The following CTNNA3 variants were observed in gnomAD, a reference collection of about 807,000 sequenced individuals.
The protein encoded by CTNNA3 is catenin alpha 3, also known as catenin alpha-3.
A neutral mutation model predicts 95.7 loss-of-function variants in CTNNA3; 76 were observed. That is an observed-to-expected ratio of 0.79 (90% CI 0.66 to 0.96). CTNNA3 has a LOEUF of 0.96. CTNNA3 is among the 40% of genes least tolerant of loss of function. CTNNA3 has a pLI of 0.00. For missense variants in CTNNA3, 1,191 were observed against 1,089.8 expected (o/e 1.09, Z -1.31); for synonymous variants, 431 against 374.4 (o/e 1.15, Z -1.74).
At chr10:66,110,960 G>A (rs1345501589) in intron 13 of CTNNA3, among the ~76,000 whole-genome samples, 1 of 152,188 alleles carries the variant, frequency 6.6e-6, no homozygotes, top group African/African-American at 2.4e-5. Flanking sequence ...CTGTAACACA[G>A]TGGTAAATAT....
intron 1 of CTNNA3, among the ~76,000 whole-genome samples, chr10:67,682,253 C>A (rs374514940): frequency 6.7e-6 from 1 of 150,046 alleles, no homozygotes; most frequent in African/African-American, 2.5e-5. Flanking sequence ...TGTGAACACA[C>A]GAGGCGGAGC....
chr10:66,696,877 G>C, intron 9 of CTNNA3, among the ~76,000 whole-genome samples: 1 of 152,126 alleles, frequency 6.6e-6, no homozygotes, highest in South Asian at 2.1e-4. Context: ...AGGTTGAGGC[G>C]GCAGTGAGCT....
At chr10:67,349,404 A>G (rs1479639574) in intron 5 of CTNNA3, among the ~76,000 whole-genome samples, 1 of 152,214 alleles carries the variant, frequency 6.6e-6, no homozygotes, top group African/African-American at 2.4e-5. Context: ...AATATATGAC[A>G]CCAGAGATGA....
intron 13 of CTNNA3, among the ~76,000 whole-genome samples, chr10:66,153,787 G>A (rs1319125489): frequency 6.6e-6 from 1 of 151,366 alleles, no homozygotes; most frequent in Non-Finnish European, 1.5e-5. Context: ...ATCCTATGCT[G>A]GTCCTGTCTT....
intron 1 of CTNNA3, among the ~76,000 whole-genome samples, chr10:67,674,428 C>T (rs1025902083): frequency 6.6e-6 from 1 of 152,054 alleles, no homozygotes; most frequent in Non-Finnish European, 1.5e-5. Flanking sequence ...CTTAAAGATC[C>T]CAGTCTGTGG....
At chr10:67,083,411 G>A (rs922181965) in intron 7 of CTNNA3, among the ~76,000 whole-genome samples, 12 of 151,216 alleles carry the variant, frequency 7.9e-5, no homozygotes, top group African/African-American at 2.9e-4. Flanking sequence ...AAAAAAAAAA[G>A]TATAGTCCTA....
chr10:66,512,892 C>A (rs190240796), intron 11 of CTNNA3, among the ~76,000 whole-genome samples: 1 of 152,174 alleles, frequency 6.6e-6, no homozygotes, highest in Admixed American at 6.5e-5. Flanking sequence ...GACAAAGATA[C>A]CCTCATATGT....
intron 7 of CTNNA3, among the ~76,000 whole-genome samples, chr10:66,839,117 A>G (rs1842968474): frequency 6.6e-6 from 1 of 152,216 alleles, no homozygotes; most frequent in Non-Finnish European, 1.5e-5. Context: ...TGAAAGTATC[A>G]AATAGAATGG....
intron 13 of CTNNA3, among the ~76,000 whole-genome samples, chr10:66,208,223 T>C (rs566964056): frequency 6.6e-5 from 10 of 152,000 alleles, no homozygotes; most frequent in Admixed American, 5.3e-4. Flanking sequence ...GAGAGGGAGA[T>C]TGTACAGGAC....
At chr10:66,867,480 AAAG>A (rs1405349803) in intron 7 of CTNNA3, among the ~76,000 whole-genome samples, 1 of 152,218 alleles carries the variant, frequency 6.6e-6, no homozygotes, top group Non-Finnish European at 1.5e-5. Context: ...GGGGAGATAC[AAAG>A]AAGGATAAAC....
chr10:67,629,154 G>A (rs1336796655), intron 2 of CTNNA3, among the ~76,000 whole-genome samples: 1 of 151,476 alleles, frequency 6.6e-6, no homozygotes, highest in East Asian at 1.9e-4. Context: ...TTGTTCTCCA[G>A]AGTTAAAAAA....
intron 11 of CTNNA3, among the ~76,000 whole-genome samples, chr10:66,516,435 A>G (rs1840861046): frequency 6.6e-6 from 1 of 152,146 alleles, no homozygotes; most frequent in South Asian, 2.1e-4. Context: ...GTGACTAGTA[A>G]TAAAGGTTAA....
intron 5 of CTNNA3, among the ~76,000 whole-genome samples, chr10:67,347,053 G>C (rs1025130623): frequency 4.0e-5 from 6 of 149,062 alleles, no homozygotes; most frequent in African/African-American, 1.0e-4. Flanking sequence ...CTTATAATAA[G>C]TAATCCTAGA....
chr10:66,041,126 C>T (rs1038786218), intron 15 of CTNNA3, among the ~76,000 whole-genome samples: 7 of 152,146 alleles, frequency 4.6e-5, no homozygotes, highest in Admixed American at 2.0e-4. Flanking sequence ...GGTTATATCA[C>T]TGTAGCATGC....
At chr10:67,688,147 C>G (rs1449518491) in intron 1 of CTNNA3, among the ~76,000 whole-genome samples, 1 of 152,166 alleles carries the variant, frequency 6.6e-6, no homozygotes, top group African/African-American at 2.4e-5. Flanking sequence ...ATATACCTAA[C>G]AGGATCATCT....
chr10:66,285,458 T>C (rs1249055230), intron 12 of CTNNA3, among the ~76,000 whole-genome samples: 1 of 151,796 alleles, frequency 6.6e-6, no homozygotes, highest in Admixed American at 6.6e-5. Context: ...ATTTCTGATT[T>C]AATTATATTA....
At chr10:67,375,234 C>G (rs532458713) in intron 5 of CTNNA3, among the ~76,000 whole-genome samples, 1 of 152,228 alleles carries the variant, frequency 6.6e-6, no homozygotes, top group East Asian at 1.9e-4. Flanking sequence ...ATAATGCCTA[C>G]TCTTCCTATA....
chr10:67,071,329 G>T (rs1465667472), intron 7 of CTNNA3, among the ~76,000 whole-genome samples: 3 of 78,214 alleles, frequency 3.8e-5, no homozygotes, highest in African/African-American at 2.7e-4. Flanking sequence ...TTGTATTTTG[G>T]GTTTTTTTTT....
intron 1 of CTNNA3, among the ~76,000 whole-genome samples, chr10:67,757,902 A>C (rs1841442321): frequency 6.6e-6 from 1 of 152,168 alleles, no homozygotes; most frequent in African/African-American, 2.4e-5. Context: ...TGATTAATAC[A>C]GATGTCCAGA....
Sources: allele counts gnomAD v4.1 joint callset (sites outside exome capture counted in the v4.1 genomes callset), GRCh38; gene constraint gnomAD v4.1.1; transcripts MANE v1.5; gene names NCBI Gene and HGNC (gene_info 2026-07-23, HGNC 2026-07-21).